The following CTNNA3 variants were observed in gnomAD, a reference collection of about 807,000 sequenced individuals.
CTNNA3 encodes catenin alpha-3.
In CTNNA3, 76 loss-of-function variants were observed where a neutral mutation model predicts 95.7. The ratio of observed to expected loss-of-function variants is 0.79; its 90% confidence interval spans 0.66 to 0.96. The LOEUF (loss-of-function observed/expected upper bound fraction) is 0.96. CTNNA3 is among the 40% of genes least tolerant of loss of function. The pLI is 0.00. For synonymous variants in CTNNA3, 431 were observed against 374.4 expected (o/e 1.15, Z -1.74); for missense variants, 1,191 against 1,089.8 (o/e 1.09, Z -1.31).
chr10:67,553,233 G>A (rs1841096416), intron 3 of CTNNA3, among the ~76,000 whole-genome samples: 1 of 151,986 alleles, frequency 6.6e-6, no homozygotes, highest in Non-Finnish European at 1.5e-5. Context: ...AGACACACTA[G>A]CTCCTAAAAA....
At chr10:67,147,114 T>C (rs1420501784) in intron 7 of CTNNA3, among the ~76,000 whole-genome samples, 1 of 152,202 alleles carries the variant, frequency 6.6e-6, no homozygotes, top group Non-Finnish European at 1.5e-5. Flanking sequence ...CATCCACCTC[T>C]TTCTACATTT....
intron 12 of CTNNA3, among the ~76,000 whole-genome samples, chr10:66,360,638 TC>T (rs2092650408): frequency 1.9e-5 from 1 of 53,328 alleles, no homozygotes; most frequent in Non-Finnish European, 4.0e-5. Flanking sequence ...TTTCTTTCTT[TC>T]TTTCTTTCTT....
chr10:67,478,869 C>A (rs550971250), intron 5 of CTNNA3, among the ~76,000 whole-genome samples: 3 of 151,106 alleles, frequency 2.0e-5, no homozygotes, highest in Non-Finnish European at 1.5e-5. Flanking sequence ...CAAGACCTAT[C>A]GCTCACACAC....
intron 5 of CTNNA3, among the ~76,000 whole-genome samples, chr10:67,473,747 T>C (rs1847912872): frequency 6.6e-6 from 1 of 152,184 alleles, no homozygotes; most frequent in African/African-American, 2.4e-5. Flanking sequence ...TTAAAAATGA[T>C]ATATTATAAC....
At chr10:66,954,417 G>T (rs558029726) in intron 7 of CTNNA3, among the ~76,000 whole-genome samples, 16 of 152,088 alleles carry the variant, frequency 1.1e-4, no homozygotes, top group Admixed American at 1.0e-3. Flanking sequence ...TTAAAATAGC[G>T]AAAATAATGT....
intron 1 of CTNNA3, among the ~76,000 whole-genome samples, chr10:67,719,638 A>G (rs996054457): frequency 6.6e-6 from 1 of 152,046 alleles, no homozygotes; most frequent in Non-Finnish European, 1.5e-5. Flanking sequence ...CCTGAGTTCT[A>G]ATTTGATTGC....
intron 1 of CTNNA3, among the ~76,000 whole-genome samples, chr10:67,707,942 TTTATGTA>T (rs775064301): frequency 2.0e-5 from 3 of 152,196 alleles, no homozygotes; most frequent in African/African-American, 4.8e-5. Context: ...GCTTGTTGTC[TTTATGTA>T]TTATAGTTAC....
chr10:66,572,991 T>C (rs557517610), intron 10 of CTNNA3, among the ~76,000 whole-genome samples: 4 of 152,242 alleles, frequency 2.6e-5, no homozygotes, highest in East Asian at 3.9e-4. Flanking sequence ...TAATGAAAAA[T>C]GGAATGCTGG....
intron 7 of CTNNA3, among the ~76,000 whole-genome samples, chr10:66,840,005 C>A (rs906333524): frequency 2.0e-5 from 3 of 152,208 alleles, no homozygotes; most frequent in East Asian, 1.9e-4. Context: ...TAATGAAAAT[C>A]CCTCAAGTTA....
chr10:67,188,897 G>C (rs1160512585), intron 6 of CTNNA3, among the ~76,000 whole-genome samples: 1 of 152,050 alleles, frequency 6.6e-6, no homozygotes, highest in Non-Finnish European at 1.5e-5. Context: ...CTGGTGGCTG[G>C]TTTGAGTCCA....
chr10:67,664,663 A>G (rs1254500550), intron 1 of CTNNA3, among the ~76,000 whole-genome samples: 1 of 152,038 alleles, frequency 6.6e-6, no homozygotes, highest in African/African-American at 2.4e-5. Context: ...TCCTATCTTG[A>G]ATTTCATGTA....
At chr10:65,934,012 T>G (rs1394631337) in intron 17 of CTNNA3, among the ~76,000 whole-genome samples, 1 of 152,154 alleles carries the variant, frequency 6.6e-6, no homozygotes, top group African/African-American at 2.4e-5. Flanking sequence ...AATTTAGAGC[T>G]GCTGTATCCA....
At chr10:66,096,949 G>A (rs2081417019) in intron 14 of CTNNA3, among the ~76,000 whole-genome samples, 2 of 152,280 alleles carry the variant, frequency 1.3e-5, no homozygotes, top group African/African-American at 4.8e-5. Context: ...GCAGAGCCAG[G>A]CATTTTACTA....
At chr10:65,933,642 T>C (rs984902505) in intron 17 of CTNNA3, among the ~76,000 whole-genome samples, 1 of 152,080 alleles carries the variant, frequency 6.6e-6, no homozygotes, top group South Asian at 2.1e-4. Context: ...ATAACACCAG[T>C]GTAAAAAAAA....
intron 7 of CTNNA3, among the ~76,000 whole-genome samples, chr10:66,931,743 A>G (rs1447572328): frequency 6.6e-6 from 1 of 152,170 alleles, no homozygotes; most frequent in Non-Finnish European, 1.5e-5. Flanking sequence ...TGACTTTTAT[A>G]GTAATGCTGG....
At chr10:66,599,925 G>A (rs919914049) in intron 10 of CTNNA3, among the ~76,000 whole-genome samples, 1 of 151,924 alleles carries the variant, frequency 6.6e-6, no homozygotes, top group Non-Finnish European at 1.5e-5. Flanking sequence ...TAGAGCTAAA[G>A]TCTTTGGGAA....
intron 7 of CTNNA3, chr10:67,098,941 T>C (rs1326444023): frequency 1.3e-5 from 2 of 151,886 alleles, no homozygotes; most frequent in Non-Finnish European, 2.9e-5. Context: ...AACATATGAA[T>C]TTGTTTTGCG....
intron 7 of CTNNA3, among the ~76,000 whole-genome samples, chr10:67,042,153 T>C (rs952680804): frequency 5.3e-5 from 8 of 152,156 alleles, no homozygotes; most frequent in Non-Finnish European, 1.0e-4. Context: ...TTCTAAAATG[T>C]GTTTTATGTA....
At chr10:67,024,999 G>T (rs532454481) in intron 7 of CTNNA3, among the ~76,000 whole-genome samples, 1 of 151,644 alleles carries the variant, frequency 6.6e-6, no homozygotes, top group East Asian at 1.9e-4. Context: ...GTGTGGTGGC[G>T]CATGCCTGTA....
Sources: gnomAD v4.1 joint callset for allele counts (sites outside exome capture counted in the v4.1 genomes callset) on GRCh38, gnomAD v4.1.1 for gene constraint, MANE v1.5 for transcripts, NCBI Gene and HGNC (gene_info 2026-07-23, HGNC 2026-07-21) for gene names.